Variants in GGH observed in about 807,000 individuals in gnomAD.
The protein encoded by GGH is gamma-Glu-X carboxypeptidase.
Under a neutral mutation model 39.2 loss-of-function variants are expected in GGH, and 18 were observed. That is an observed-to-expected ratio of 0.46 (90% CI 0.32 to 0.68). GGH has a LOEUF of 0.68. Among genes scored for constraint, GGH ranks in the 30% least tolerant of loss-of-function variants. The pLI, the probability that GGH is intolerant of heterozygous loss-of-function variation, is 0.04. For synonymous variants in GGH, 147 were observed against 138.8 expected, an observed-to-expected ratio of 1.06 and a Z score of -0.42; for missense variants, 367 against 384.1, an observed-to-expected ratio of 0.96 and a Z score of 0.37.
Position 63,035,724 on chromosome 8 carries a change from T to C in GGH, c.156A>G (p.Gly52=). 1 of 1,613,772 alleles carries C rather than the reference T, an allele frequency of 6.2e-7. No individual in the cohort carries two copies. Among genetic ancestry groups the C allele is most frequent in the South Asian group, 1.1e-5 (1 of 90,918 alleles). Residue 52 remains glycine (G), a synonymous_variant, in exon 2 of 9, where the codon GGA becomes GGG. Coordinates refer to ENST00000260118, the MANE Select transcript of GGH (RefSeq NM_003878.3). ...CATAGGACGCAGCAATATAGTATCT[T>C]CCATAGTTTTTCATGACTTTATTAC... ...KCRNKVMKNY[G]RYYIAASYVK...
rs75497159 is a variant in GGH, at chr8:63,017,799, A to G, written c.698-169T>C. The G allele has an allele frequency of 1.7e-3, 895 of 513,072 alleles. 9 individuals are homozygous for G. The highest frequency in any genetic ancestry group is 0.017 in the African/African-American group (835 of 50,308). The allele number at this position is 513,072 out of a possible 1,614,324, so 31.8% of individuals were successfully genotyped here. A position where few individuals can be genotyped will look rare whatever the true frequency, so the allele number is the denominator to read the frequency against. On this transcript the variant is annotated intron_variant, in intron 7 of 8. Transcript: ENST00000260118. ...ATAATTTCCATTCATAATCAATGTG[A>G]AAATTCCCTGTAACGTATTTCACTG...
At chr8:63,030,129 C>G in intron 3 of GGH, 38 bp downstream of exon 3, 1 of 873,326 alleles carries the variant, frequency 1.1e-6, no homozygotes, top group Admixed American at 1.9e-5. Flanking sequence ...ATATGTAGAC[C>G]ACTCATATAC....
chr8:63,027,295 G>A (rs1375454677), intron 3 of GGH, 30 bp from the exon 4 acceptor site: 2 of 1,270,870 alleles, frequency 1.6e-6, no homozygotes, highest in Admixed American at 1.7e-5. Context: ...ATCAAATAGG[G>A]TGTATTTTGC....
chr8:63,018,217 T>C (rs147241911), intron 7 of GGH, among the ~76,000 whole-genome samples: 79 of 152,174 alleles, frequency 5.2e-4, no homozygotes, highest in African/African-American at 1.7e-3. Flanking sequence ...AGCTGATAGA[T>C]AGACACCCAG....
chr8:63,023,953 T>C lies in GGH; in HGVS notation c.651A>G (p.Leu217=), dbSNP rs1451222809. The change falls in exon 7 of 9, where the codon TTA becomes TTG. Residue 217 remains leucine (L), a synonymous_variant. Coordinates refer to ENST00000260118, the MANE Select transcript of GGH (RefSeq NM_003878.3). ...NEKLKKFFNV[L]TTNTDGKIEF... ...CAATCTTGCCATCTGTATTTGTAGT[T>C]AAGACATTGAAAAACTTCTTTAACT... 1 of 1,596,500 alleles carries C rather than the reference T, an allele frequency of 6.3e-7. No homozygotes were observed.
chr8:63,034,602 G>T (rs13248452), intron 2 of GGH, among the ~76,000 whole-genome samples: 1 of 151,936 alleles, frequency 6.6e-6, no homozygotes, highest in Non-Finnish European at 1.5e-5. Flanking sequence ...GCTCCTTCCA[G>T]ATGAAAAATA....
chr8:63,037,601 T>C (rs1804935330), intron 1 of GGH, among the ~76,000 whole-genome samples: 1 of 152,240 alleles, frequency 6.6e-6, no homozygotes, highest in Non-Finnish European at 1.5e-5. Flanking sequence ...GGTACTCAGT[T>C]AACGATGTTG....
chr8:63,027,100 A>G, intron 4 of GGH, 81 bp downstream of exon 4: 1 of 780,444 alleles, frequency 1.3e-6, no homozygotes, highest in Admixed American at 1.7e-5. Flanking sequence ...AGGGAGCATT[A>G]CCATCTGCTT....
At chr8:63,036,171 C>T (rs1035165237) in intron 1 of GGH, among the ~76,000 whole-genome samples, 7 of 152,308 alleles carry the variant, frequency 4.6e-5, no homozygotes, top group South Asian at 2.1e-4. Context: ...TCCATCCACA[C>T]CTCTCCAACA....
chr8:63,016,928 A>G (rs577215576), intron 8 of GGH, among the ~76,000 whole-genome samples: 18 of 152,354 alleles, frequency 1.2e-4, no homozygotes, highest in Middle Eastern at 3.4e-3. Flanking sequence ...TTCAATTTGT[A>G]TCACTGTCTT....
At chr8:63,019,967 A>G (rs1213537254) in intron 7 of GGH, among the ~76,000 whole-genome samples, 1 of 152,250 alleles carries the variant, frequency 6.6e-6, no homozygotes, top group African/African-American at 2.4e-5. Flanking sequence ...TTCTTTAGGG[A>G]TGAACTAAAA....
Position 63,030,230 on chromosome 8 carries a change from A to G in GGH, c.225-13T>C, listed in dbSNP as rs756519720. The G allele has an allele frequency of 4.9e-6, 6 of 1,233,554 alleles. No homozygotes were observed. Among genetic ancestry groups the G allele is most frequent in the Non-Finnish European group, 4.8e-6 (4 of 837,200 alleles). The allele number at this position is 1,233,554 out of a possible 1,614,324, so 76.4% of individuals were successfully genotyped here. On this transcript the variant is annotated splice_polypyrimidine_tract_variant and intron_variant, in intron 2 of 8. Coordinates refer to ENST00000260118, the MANE Select transcript of GGH (RefSeq NM_003878.3). ...TGTAAGATCCAGCCTGAAAACAATAAAAGTTATTGTTACATTTGTGAAACT... is the reference window on the plus strand; with the variant it reads ...TGTAAGATCCAGCCTGAAAACAATAGAAGTTATTGTTACATTTGTGAAACT...
Position 63,028,946 on chromosome 8 carries a change from G to A in GGH, c.275+1221C>T, listed in dbSNP as rs753272706. On this transcript the variant is annotated intron_variant, in intron 3 of 8. Transcript: ENST00000260118. ...TTCTAGCCTAGACTTAATGATCTTTGTCCATGCCAAAGTACCTTGCACACA... is the reference window on the plus strand; with the variant it reads ...TTCTAGCCTAGACTTAATGATCTTTATCCATGCCAAAGTACCTTGCACACA... 3.3e-5 allele frequency among the ~76,000 whole-genome samples: 5 copies of A among 152,078 alleles called. No homozygotes were observed. The East Asian group carries it at 9.7e-4, about 29-fold the overall frequency.
chr8:63,026,379 T>C lies in GGH; in HGVS notation c.361-83A>G, dbSNP rs1804684810. 3.0e-6 allele frequency: 3 copies of C among 997,278 alleles called. No homozygotes were observed. The African/African-American group carries it at 4.9e-5, about 16-fold the overall frequency. The allele number at this position is 997,278 out of a possible 1,614,324, so 61.8% of individuals were successfully genotyped here. A position where few individuals can be genotyped will look rare whatever the true frequency, so the allele number is the denominator to read the frequency against. ...AGCCATATCTTTTGTCATAACCAAA[T>C]AGGCACCTGAGTTACACATGGATTT... On this transcript the variant is annotated intron_variant, in intron 4 of 8. Transcript: ENST00000260118.
In GGH at chr8:63,026,230, GC is replaced by G; in HGVS notation, c.426del (p.Leu143Ter). Reference protein sequence around the residue: ...GTCLGFEELSLLISGECLLTA... With the variant: ...GTCLGFEELSXLISGECLLTA... ...GTTAATAAGCACTCTCCACTAATCA[GC>G]AGTGAAAGCTCTTCAAATCCAAGGC... On this transcript the variant is annotated frameshift_variant, in exon 5 of 9. Transcript: ENST00000260118. LOFTEE classifies it high-confidence loss of function. 1.2e-6 allele frequency: 2 copies of G among 1,609,654 alleles called. No homozygotes were observed. Among genetic ancestry groups the G allele is most frequent in the Non-Finnish European group, 1.7e-6 (2 of 1,176,652 alleles).
Position 63,027,259 on chromosome 8 carries a change from A to G in GGH, c.282T>C (p.Leu94=). 1 of 1,584,512 alleles carries G rather than the reference A, an allele frequency of 6.3e-7. No individual in the cohort carries two copies. Among genetic ancestry groups the G allele is most frequent in the East Asian group, 2.2e-5 (1 of 44,682 alleles). ...EILFKSINGI[L]FPGGSVDLRR... is the part of the protein sequence containing the mutation. ...TGAGGTCAACACTTCCTCCAGGGAA[A>G]AGGATTCTGAAACAACGTTACATAA... The change falls in exon 4 of 9, where the codon CTT becomes CTC. Residue 94 remains leucine (L), a synonymous_variant. Transcript: ENST00000260118.
Position 63,017,477 on chromosome 8 carries a change from T to C in GGH, c.835+16A>G. 1 of 1,586,736 alleles carries C rather than the reference T, an allele frequency of 6.3e-7. No homozygotes were observed. The highest frequency in any genetic ancestry group is 8.6e-7 in the Non-Finnish European group (1 of 1,164,538). Reference sequence around the variant, plus strand: ...AAACTACCCCAGAATAACAAAATTATGTACCCTCATATTACCTTCATTAAC... The same window carrying C: ...AAACTACCCCAGAATAACAAAATTACGTACCCTCATATTACCTTCATTAAC... On this transcript the variant is annotated intron_variant, in intron 8 of 8. Transcript: ENST00000260118.
At chr8:63,027,028 G>A (rs776887289) in intron 4 of GGH, 153 bp downstream of exon 4, 17 of 643,702 alleles carry the variant, frequency 2.6e-5, no homozygotes, top group Non-Finnish European at 3.9e-5. Context: ...GAAAATAGGC[G>A]GGAGCAGCCA....
intron 5 of GGH, 55 bp downstream of exon 5, chr8:63,026,090 TTCATATTTGCTAC>T: frequency 7.9e-7 from 1 of 1,267,502 alleles, no homozygotes. Flanking sequence ...CACTTTTACT[TTCATATTTGCTAC>T]TTACTAATCC....
Sources: allele counts gnomAD v4.1 joint callset (sites outside exome capture counted in the v4.1 genomes callset), GRCh38; gene constraint gnomAD v4.1.1; transcripts MANE v1.5; gene names NCBI Gene and HGNC (gene_info 2026-07-23, HGNC 2026-07-21).